Variants in BZW2 observed in about 807,000 individuals in gnomAD.
BZW2 encodes the protein basic leucine zipper and W2 domains 2, also known as eIF5-mimic protein 1.
In BZW2, 23 loss-of-function variants were observed where a neutral mutation model predicts 53.2. That is an observed-to-expected ratio of 0.43 (90% CI 0.31 to 0.61). The LOEUF (loss-of-function observed/expected upper bound fraction) is 0.61, where lower values mean the gene tolerates loss of function less well. Among genes scored for constraint, BZW2 ranks in the 20% least tolerant of loss-of-function variants. The probability of loss-of-function intolerance (pLI) is 0.09; values close to 1 mark genes in which losing one functional copy is unlikely to be tolerated. For missense variants in BZW2, 409 were observed against 503.1 expected (o/e 0.81, Z 1.79); for synonymous variants, 227 against 186.4 (o/e 1.22, Z -1.77).
intron 7 of BZW2, 25 bp downstream of exon 7, chr7:16,689,931 T>G (rs746163227): frequency 6.4e-7 from 1 of 1,571,458 alleles, no homozygotes; most frequent in Non-Finnish European, 8.7e-7. Context: ...GTTAAAGAGT[T>G]GTATGTATGA....
chr7:16,684,940 T>C (rs891668764), intron 5 of BZW2, among the ~76,000 whole-genome samples: 2 of 152,214 alleles, frequency 1.3e-5, no homozygotes, highest in Non-Finnish European at 2.9e-5. Flanking sequence ...AATAATCATG[T>C]CATCAGGGTG....
chr7:16,695,590 C>CTA (rs1303855948), intron 8 of BZW2, among the ~76,000 whole-genome samples: 3 of 152,110 alleles, frequency 2.0e-5, no homozygotes, highest in Non-Finnish European at 2.9e-5. Context: ...TATATACATG[C>CTA]TATAGTTCAC....
intron 1 of BZW2, among the ~76,000 whole-genome samples, chr7:16,656,150 T>TATATATATATAC (rs143994492): frequency 6.7e-6 from 1 of 150,164 alleles, no homozygotes; most frequent in African/African-American, 2.5e-5. Context: ...TATATATATA[T>TATATATATATAC]ACATAAATAT....
intron 2 of BZW2, among the ~76,000 whole-genome samples, chr7:16,672,071 G>GT (rs915770936): frequency 6.6e-6 from 1 of 151,856 alleles, no homozygotes; most frequent in Admixed American, 6.6e-5. Flanking sequence ...CATACCACTT[G>GT]TTTTTTTATC....
rs907289651 is a variant in BZW2 at position 16,689,706 on chromosome 7, T to C, written c.542-91T>C. 3.9e-6 allele frequency: 4 copies of C among 1,023,760 alleles called. No individual in the cohort carries two copies. In the Admixed American group the frequency reaches 8.9e-5, roughly 23 times the overall value. 63.4% of individuals were successfully genotyped at this position (1,023,760 alleles called of 1,614,324 possible). A position where few individuals can be genotyped will look rare whatever the true frequency, so the allele number is the denominator to read the frequency against. On this transcript the variant is annotated intron_variant, in intron 6 of 11. Coordinates refer to ENST00000258761, the MANE Select transcript of BZW2 (RefSeq NM_014038.3). ...GTACCAAAATTAGTCTTTTAGTTAT[T>C]TACACATTTCAGGAAACCTGGTTGC...
At chr7:16,693,937 A>C (rs1398034097) in intron 7 of BZW2, among the ~76,000 whole-genome samples, 1 of 152,194 alleles carries the variant, frequency 6.6e-6, no homozygotes, top group Non-Finnish European at 1.5e-5. Flanking sequence ...TTGCAGATCT[A>C]CTGAGGCTCT....
intron 2 of BZW2, 123 bp from the exon 3 acceptor site, chr7:16,674,289 C>G (rs1782699912): frequency 1.5e-6 from 1 of 655,276 alleles, no homozygotes; most frequent in African/African-American, 2.0e-5. Flanking sequence ...CTCGTACATT[C>G]TTTGGCGATG....
intron 3 of BZW2, among the ~76,000 whole-genome samples, chr7:16,680,252 C>G (rs1782898982): frequency 6.6e-6 from 1 of 152,126 alleles, no homozygotes; most frequent in Admixed American, 6.5e-5. Flanking sequence ...AAAATGTTAG[C>G]AAGCCTGAAG....
At chr7:16,681,666 A>G (rs2128361747) in intron 4 of BZW2, among the ~76,000 whole-genome samples, 1 of 152,214 alleles carries the variant, frequency 6.6e-6, no homozygotes, top group East Asian at 1.9e-4. Flanking sequence ...CCCCATCTCT[A>G]CTAAAAAATA....
At position 16,677,401 on chromosome 7, in the gene BZW2, C is replaced by A. The variant is rs1279762808; in HGVS notation, c.235+2813C>A. Among the ~76,000 whole-genome samples, 3 of 152,150 alleles carry A rather than the reference C, an allele frequency of 2.0e-5. No homozygotes were observed. The East Asian group carries it at 5.8e-4, about 29-fold the overall frequency. On this transcript the variant is annotated intron_variant, in intron 3 of 11. Coordinates refer to ENST00000258761, the MANE Select transcript of BZW2 (RefSeq NM_014038.3). The stretch of plus-strand genomic sequence containing the variant: ...CAGCTAGTCCTGTCTCTTAGTACCC[C>A]CTCTCAACAGGAAAACCTAAGTGCT...
At position 16,682,923 on chromosome 7, in the gene BZW2, C is replaced by T. The variant is rs879042874; in HGVS notation, c.405+78C>T. On this transcript the variant is annotated intron_variant, in intron 5 of 11. Coordinates refer to ENST00000258761, the MANE Select transcript of BZW2 (RefSeq NM_014038.3). ...GATAAAAATTTTATAAGTGGCCGGA[C>T]ACGGTGGCTCACGCCTGTAATCCCA... The T allele has an allele frequency of 5.4e-6, 5 of 924,906 alleles. No individual in the cohort carries two copies. In the South Asian group the frequency reaches 7.0e-5, roughly 13 times the overall value. 57.3% of individuals were successfully genotyped at this position (924,906 alleles called of 1,614,324 possible). A position where few individuals can be genotyped will look rare whatever the true frequency, so the allele number is the denominator to read the frequency against.
chr7:16,672,007 T>C (rs1433558986), intron 2 of BZW2, among the ~76,000 whole-genome samples: 1 of 150,732 alleles, frequency 6.6e-6, no homozygotes, highest in Non-Finnish European at 1.5e-5. Context: ...TTTGAAGAAA[T>C]GTCTTCTGTG....
chr7:16,658,747 C>A (rs906831056), intron 1 of BZW2, among the ~76,000 whole-genome samples: 1 of 151,746 alleles, frequency 6.6e-6, no homozygotes, highest in African/African-American at 2.4e-5. Context: ...TGGTGGCGTG[C>A]AACTGTAATC....
intron 10 of BZW2, 147 bp downstream of exon 10, chr7:16,698,333 CCAT>C (rs1783567543): frequency 1.8e-6 from 2 of 1,102,784 alleles, no homozygotes; most frequent in Admixed American, 3.9e-5. Flanking sequence ...ATTGAGGCAA[CCAT>C]ACCATGTAGA....
intron 10 of BZW2, chr7:16,700,662 T>C (rs1360502614): frequency 6.6e-6 from 1 of 152,190 alleles, no homozygotes; most frequent in Non-Finnish European, 1.5e-5. Context: ...TGGTGTAAAG[T>C]GTATAGCATT....
At chr7:16,662,730 A>C (rs1275718839) in intron 1 of BZW2, among the ~76,000 whole-genome samples, 5 of 152,154 alleles carry the variant, frequency 3.3e-5, no homozygotes, top group Non-Finnish European at 7.4e-5. Flanking sequence ...CACCCTGGTC[A>C]ACATAGTAAC....
Position 16,704,884 on chromosome 7 carries a change from T to G in BZW2, c.1231+215T>G, listed in dbSNP as rs111885323. ...AAAAACAAAGAAAGAAATGAAATGC[T>G]TAAATTATCCACTCTGATGGAGGAC... On this transcript the variant is annotated intron_variant, in intron 11 of 11. Transcript: ENST00000258761. Among the ~76,000 whole-genome samples the G allele has an allele frequency of 9.1e-3, 1,394 of 152,368 alleles. 23 individuals are homozygous for G. The highest frequency in any genetic ancestry group is 0.031 in the African/African-American group (1,295 of 41,584).
intron 2 of BZW2, among the ~76,000 whole-genome samples, chr7:16,672,165 C>T (rs1049487698): frequency 6.6e-6 from 1 of 152,140 alleles, no homozygotes; most frequent in African/African-American, 2.4e-5. Flanking sequence ...AATCCACTTT[C>T]AGTCTTTGTG....
At chr7:16,671,105 C>G (rs938148013) in intron 2 of BZW2, among the ~76,000 whole-genome samples, 2 of 152,104 alleles carry the variant, frequency 1.3e-5, no homozygotes, top group East Asian at 3.9e-4. Flanking sequence ...ATGGCTAGTT[C>G]TTGATTTTTT....
Sources: gnomAD v4.1 joint callset for allele counts (sites outside exome capture counted in the v4.1 genomes callset) on GRCh38, gnomAD v4.1.1 for gene constraint, MANE v1.5 for transcripts, NCBI Gene and HGNC (gene_info 2026-07-23, HGNC 2026-07-21) for gene names.